HECW1: variants seen among roughly 807,000 people sequenced by gnomAD.
HECW1 encodes the protein E3 ubiquitin-protein ligase HECW1.
Under a neutral mutation model 182.3 loss-of-function variants are expected in HECW1, and 61 were observed. The ratio of observed to expected loss-of-function variants is 0.33; its 90% CI spans 0.27 to 0.41. The LOEUF is 0.41. Ranked by LOEUF, HECW1 falls within the 10% of genes least tolerant of loss-of-function variation. The pLI is 1.00. For synonymous variants in HECW1, 859 were observed against 832.6 expected (o/e 1.03, Z -0.55); for missense variants, 1,739 against 2,108.9 (o/e 0.82, Z 3.44).
intron 8 of HECW1, among the ~76,000 whole-genome samples, chr7:43,429,514 G>A (rs2076477029): frequency 6.6e-6 from 1 of 151,900 alleles, no homozygotes; most frequent in Non-Finnish European, 1.5e-5. Context: ...CTAGCGAGAA[G>A]GGGGAAGAAT....
chr7:43,298,874 G>A (rs1806365488), intron 3 of HECW1, among the ~76,000 whole-genome samples: 1 of 152,138 alleles, frequency 6.6e-6, no homozygotes, highest in Non-Finnish European at 1.5e-5. Flanking sequence ...TTATTCTCTG[G>A]AGCGAGACCG....
chr7:43,199,794 G>A (rs1794866592), intron 2 of HECW1, among the ~76,000 whole-genome samples: 2 of 152,186 alleles, frequency 1.3e-5, no homozygotes, highest in Admixed American at 6.5e-5. Context: ...TCGTGTTCCA[G>A]TACCCACGAA....
intron 2 of HECW1, among the ~76,000 whole-genome samples, chr7:43,180,715 C>T (rs1330259285): frequency 1.3e-5 from 2 of 152,132 alleles, no homozygotes; most frequent in South Asian, 2.1e-4. Flanking sequence ...TATTTTTAAT[C>T]GACACATAAT....
At chr7:43,149,217 A>G (rs1020931509) in intron 2 of HECW1, among the ~76,000 whole-genome samples, 8 of 152,192 alleles carry the variant, frequency 5.3e-5, no homozygotes, top group Admixed American at 4.6e-4. Flanking sequence ...TAACCATGTG[A>G]TCAAAGTCAA....
chr7:43,333,278 T>C (rs6463183), intron 5 of HECW1, among the ~76,000 whole-genome samples: 75,512 of 152,064 alleles, frequency 0.5, 19,142 homozygotes, highest in African/African-American at 0.59. Context: ...ATACAGTCTT[T>C]CTCATATCCA....
Position 43,501,267 on chromosome 7 carries a change from T to G in HECW1, c.3576T>G (p.Pro1192=), listed in dbSNP as rs2079348329. The G allele has an allele frequency of 6.2e-7, 1 of 1,603,090 alleles. No homozygotes were observed. The highest frequency in any genetic ancestry group is 8.5e-7 in the Non-Finnish European group (1 of 1,173,784). The change falls in exon 21 of 30, where the codon CCT becomes CCG. Residue 1192 remains proline, a synonymous_variant. Transcript: ENST00000395891. ...TCCCCCTGCAGGCTGCCTTCCACCCTGGGTATAGCTTCTCTCCCCGATGTT... is the reference window on the plus strand; with the variant it reads ...TCCCCCTGCAGGCTGCCTTCCACCCGGGGTATAGCTTCTCTCCCCGATGTT... The part of the protein sequence containing the change: ...SYVPLQAAFH[P]GYSFSPRCSP...
chr7:43,359,297 T>A (rs1443971086), intron 5 of HECW1, among the ~76,000 whole-genome samples: 1 of 152,194 alleles, frequency 6.6e-6, no homozygotes, highest in Non-Finnish European at 1.5e-5. Context: ...TGTAGTACTT[T>A]AGCTGGACAT....
intron 2 of HECW1, among the ~76,000 whole-genome samples, chr7:43,139,062 G>A (rs1485858704): frequency 1.3e-5 from 2 of 152,092 alleles, no homozygotes; most frequent in Admixed American, 6.6e-5. Flanking sequence ...CATCCTTCGT[G>A]CCATTTTAAT....
In HECW1 at chr7:43,418,951, G is replaced by A. The variant is rs185723535; in HGVS notation, c.801+11220G>A. Among the ~76,000 whole-genome samples the A allele has an allele frequency of 5.0e-4, 76 of 152,228 alleles. No homozygotes were observed. The East Asian group carries it at 0.013, about 26-fold the overall frequency. ...TGTTACAGCAGACAATTGATTTGGC[G>A]CAGCTCCTACTGTCATCCATATGGT... On this transcript the variant is annotated intron_variant, in intron 8 of 29. Transcript: ENST00000395891.
chr7:43,156,104 T>C (rs529033238), intron 2 of HECW1, among the ~76,000 whole-genome samples: 154 of 152,306 alleles, frequency 1.0e-3, no homozygotes, highest in Admixed American at 2.6e-3. Flanking sequence ...TGATGAAAGA[T>C]CAATAATTGG....
intron 2 of HECW1, among the ~76,000 whole-genome samples, chr7:43,178,319 C>CT (rs1223600523): frequency 6.6e-6 from 1 of 151,812 alleles, no homozygotes; most frequent in African/African-American, 2.4e-5. Context: ...AGGGTTCTAT[C>CT]TAACTATCCC....
chr7:43,419,868 T>C lies in HECW1; in HGVS notation c.801+12137T>C, dbSNP rs903274911. Among the ~76,000 whole-genome samples the C allele has an allele frequency of 5.3e-5, 8 of 152,372 alleles. No homozygotes were observed. In the East Asian group the frequency reaches 7.7e-4, roughly 15 times the overall value. Reference sequence around the variant, plus strand: ...CGAACAAAGGAGACAAGGTCATTTATAACCTGACACGTCCACTCTATTGCT... The same window carrying C: ...CGAACAAAGGAGACAAGGTCATTTACAACCTGACACGTCCACTCTATTGCT... On this transcript the variant is annotated intron_variant, in intron 8 of 29. Coordinates refer to ENST00000395891, the MANE Select transcript of HECW1 (RefSeq NM_015052.5).
intron 2 of HECW1, among the ~76,000 whole-genome samples, chr7:43,162,409 T>C (rs551594955): frequency 2.0e-5 from 3 of 152,358 alleles, no homozygotes; most frequent in Non-Finnish European, 4.4e-5. Flanking sequence ...TTGGTGGCTA[T>C]GACTGCATCA....
At chr7:43,187,734 GT>G (rs1793541908) in intron 2 of HECW1, among the ~76,000 whole-genome samples, 1 of 151,890 alleles carries the variant, frequency 6.6e-6, no homozygotes, top group Non-Finnish European at 1.5e-5. Context: ...GTCTATTAGT[GT>G]GCCTTCTCAC....
chr7:43,449,709 G>A (rs1185587397), intron 11 of HECW1, among the ~76,000 whole-genome samples: 1 of 152,226 alleles, frequency 6.6e-6, no homozygotes, highest in Non-Finnish European at 1.5e-5. Flanking sequence ...ACAGAAGAAG[G>A]AAAAGGCCTG....
intron 6 of HECW1, among the ~76,000 whole-genome samples, chr7:43,373,907 C>T (rs1476575376): frequency 6.6e-6 from 1 of 152,190 alleles, no homozygotes; most frequent in Non-Finnish European, 1.5e-5. Context: ...CCTTTTGTGC[C>T]TGGCTTATTT....
chr7:43,289,557 G>A (rs1805116275), intron 3 of HECW1, among the ~76,000 whole-genome samples: 1 of 152,222 alleles, frequency 6.6e-6, no homozygotes, highest in Non-Finnish European at 1.5e-5. Flanking sequence ...TGGAAGAGGA[G>A]GAACGAGGAC....
intron 8 of HECW1, among the ~76,000 whole-genome samples, chr7:43,416,316 G>A (rs1185241347): frequency 1.3e-5 from 2 of 149,078 alleles, no homozygotes; most frequent in East Asian, 3.9e-4. Context: ...CCCCTGCTGG[G>A]GGGTGCCTCC....
intron 2 of HECW1, among the ~76,000 whole-genome samples, chr7:43,215,743 A>G (rs1440363351): frequency 6.6e-6 from 1 of 152,188 alleles, no homozygotes; most frequent in Non-Finnish European, 1.5e-5. Context: ...AAGATCTTGA[A>G]AGACATCTAC....
Sources: gnomAD v4.1 joint callset for allele counts (sites outside exome capture counted in the v4.1 genomes callset) on GRCh38, gnomAD v4.1.1 for gene constraint, MANE v1.5 for transcripts, NCBI Gene and HGNC (gene_info 2026-07-23, HGNC 2026-07-21) for gene names.